The following MAP3K5 variants were observed in gnomAD, a reference collection of about 807,000 sequenced individuals.
MAP3K5 encodes ASK-1.
Under a neutral mutation model 158.7 loss-of-function variants are expected in MAP3K5, and 56 were observed. That is an observed-to-expected ratio of 0.35 (90% CI 0.28 to 0.44). The LOEUF is 0.44. MAP3K5 is among the 20% of genes least tolerant of loss of function. The probability of loss-of-function intolerance (pLI) is 1.00; values close to 1 mark genes in which losing one functional copy is unlikely to be tolerated. For missense variants in MAP3K5, 1,294 were observed against 1,674.8 expected (o/e 0.77, Z 3.97); for synonymous variants, 579 against 601.7 (o/e 0.96, Z 0.55).
Position 136,720,519 on chromosome 6 carries a change from T to G in MAP3K5, c.519A>C (p.Glu173Asp), listed in dbSNP as rs1172483546. The G allele has an allele frequency of 1.2e-6, 2 of 1,613,348 alleles. No individual in the cohort carries two copies. Among genetic ancestry groups the G allele is most frequent in the Non-Finnish European group, 1.7e-6 (2 of 1,179,668 alleles). Residue 173 changes from glutamate to aspartate, a missense_variant, in exon 2 of 30, where the codon GAA becomes GAC. Transcript: ENST00000359015. ...PSLFYHLGVR[E>D]SFSMANNIIL... is the part of the protein sequence containing the mutation. ...TGATGTTGTTGGCCATGCTGAAACT[T>G]TCTCTCACCCCAAGGTGGTAAAACA...
chr6:136,630,336 G>A (rs1269004730), intron 14 of MAP3K5: 1 of 152,182 alleles, frequency 6.6e-6, no homozygotes. Context: ...GAGCATGTAA[G>A]CTCTCAGTGA....
intron 25 of MAP3K5, among the ~76,000 whole-genome samples, chr6:136,576,426 C>T (rs1217818393): frequency 2.0e-5 from 3 of 152,186 alleles, no homozygotes; most frequent in African/African-American, 7.2e-5. Flanking sequence ...ATCCTCCCAC[C>T]TCAGCCTCCC....
At chr6:136,695,378 A>C (rs1780560180) in intron 6 of MAP3K5, among the ~76,000 whole-genome samples, 1 of 152,180 alleles carries the variant, frequency 6.6e-6, no homozygotes, top group African/African-American at 2.4e-5. Flanking sequence ...AGCTCAGGCA[A>C]TCCGACCACC....
chr6:136,696,484 T>C (rs925773003), intron 5 of MAP3K5, among the ~76,000 whole-genome samples: 1 of 152,188 alleles, frequency 6.6e-6, no homozygotes, highest in Non-Finnish European at 1.5e-5. Flanking sequence ...TCATGTCACA[T>C]GAGTAAGCAC....
At chr6:136,635,621 C>T (rs1777587288) in intron 14 of MAP3K5, among the ~76,000 whole-genome samples, 1 of 149,832 alleles carries the variant, frequency 6.7e-6, no homozygotes, top group African/African-American at 2.5e-5. Flanking sequence ...AGGCATGGTG[C>T]TTATCCCTAT....
intron 14 of MAP3K5, among the ~76,000 whole-genome samples, chr6:136,636,453 T>C (rs1777641155): frequency 6.6e-6 from 1 of 152,162 alleles, no homozygotes; most frequent in South Asian, 2.1e-4. Flanking sequence ...GATTCAGAGT[T>C]CTCTCCCAAG....
intron 7 of MAP3K5, among the ~76,000 whole-genome samples, chr6:136,677,601 T>G (rs1157784985): frequency 6.6e-6 from 1 of 152,198 alleles, no homozygotes; most frequent in Non-Finnish European, 1.5e-5. Flanking sequence ...GTCTTCCATC[T>G]GGGATCCAGC....
intron 11 of MAP3K5, among the ~76,000 whole-genome samples, chr6:136,650,205 T>C (rs760195879): frequency 1.3e-5 from 2 of 152,192 alleles, no homozygotes; most frequent in Non-Finnish European, 2.9e-5. Context: ...AATGAGTAAG[T>C]TGATGAATGA....
chr6:136,643,476 CCACT>C (rs1424174908), intron 11 of MAP3K5, among the ~76,000 whole-genome samples: 2 of 152,126 alleles, frequency 1.3e-5, no homozygotes, highest in Non-Finnish European at 2.9e-5. Context: ...TCTTACCCAC[CCACT>C]GCCAGGAGGC....
At chr6:136,610,382 G>A (rs184595752) in intron 18 of MAP3K5, among the ~76,000 whole-genome samples, 20 of 151,994 alleles carry the variant, frequency 1.3e-4, no homozygotes, top group South Asian at 2.1e-4. Flanking sequence ...CAGTGGTTGC[G>A]TTGCCTACTT....
chr6:136,634,364 G>A (rs746683289), intron 14 of MAP3K5, among the ~76,000 whole-genome samples: 12 of 151,976 alleles, frequency 7.9e-5, no homozygotes, highest in Non-Finnish European at 1.3e-4. Flanking sequence ...ATTCATTCAC[G>A]TTTTGCTAAA....
At chr6:136,619,233 G>T (rs979047422) in intron 15 of MAP3K5, among the ~76,000 whole-genome samples, 29 of 152,248 alleles carry the variant, frequency 1.9e-4, no homozygotes, top group African/African-American at 6.3e-4. Context: ...AGGCAATCCT[G>T]CCAAGGTCTG....
intron 3 of MAP3K5, among the ~76,000 whole-genome samples, chr6:136,700,325 C>T (rs73558260): frequency 1.3e-3 from 196 of 152,004 alleles, no homozygotes; most frequent in African/African-American, 4.6e-3. Flanking sequence ...GCAGAGGTGG[C>T]GATAGAGAAA....
intron 1 of MAP3K5, among the ~76,000 whole-genome samples, chr6:136,734,407 G>A (rs906476992): frequency 9.8e-5 from 11 of 112,112 alleles, no homozygotes; most frequent in African/African-American, 1.4e-4. Context: ...CCAACAAAGC[G>A]AGACTCTGTC....
chr6:136,745,885 G>A (rs574645592), intron 1 of MAP3K5, among the ~76,000 whole-genome samples: 7 of 152,290 alleles, frequency 4.6e-5, no homozygotes, highest in East Asian at 3.9e-4. Flanking sequence ...TCTTAGTCAC[G>A]TTCCAAAGTC....
At chr6:136,672,500 G>A (rs1391544215) in intron 7 of MAP3K5, among the ~76,000 whole-genome samples, 1 of 152,154 alleles carries the variant, frequency 6.6e-6, no homozygotes, top group East Asian at 1.9e-4. Flanking sequence ...GCGTGGTTTG[G>A]CACGACAGAA....
At chr6:136,565,241 G>A (rs1774045183) in intron 26 of MAP3K5, among the ~76,000 whole-genome samples, 1 of 152,238 alleles carries the variant, frequency 6.6e-6, no homozygotes, top group Middle Eastern at 3.4e-3. Flanking sequence ...TTTATTTTGT[G>A]TTTATTTAGC....
intron 1 of MAP3K5, among the ~76,000 whole-genome samples, chr6:136,727,590 T>C (rs1485088934): frequency 6.6e-6 from 1 of 152,246 alleles, no homozygotes; most frequent in African/African-American, 2.4e-5. Flanking sequence ...GTATATTTCA[T>C]GAGTAAATGC....
chr6:136,703,261 G>A, intron 3 of MAP3K5, among the ~76,000 whole-genome samples: 1 of 152,164 alleles, frequency 6.6e-6, no homozygotes, highest in Admixed American at 6.6e-5. Flanking sequence ...ACAATATTTG[G>A]TTCTTTTATC....
Sources: allele counts gnomAD v4.1 joint callset (sites outside exome capture counted in the v4.1 genomes callset), GRCh38; gene constraint gnomAD v4.1.1; transcripts MANE v1.5; gene names NCBI Gene and HGNC (gene_info 2026-07-23, HGNC 2026-07-21).